The following CAMTA1 variants were observed in gnomAD, a reference collection of about 807,000 sequenced individuals.
CAMTA1 encodes calmodulin-binding transcription activator 1.
CAMTA1 carries 27 observed loss-of-function variants against 170.9 expected under a neutral mutation model. That is an observed-to-expected ratio of 0.16 (90% CI 0.12 to 0.22). The LOEUF is 0.22. Ranked by LOEUF, CAMTA1 falls within the 10% of genes least tolerant of loss-of-function variation. The pLI is 1.00. For synonymous variants in CAMTA1, 833 were observed against 891.5 expected (o/e 0.93, Z 1.17); for missense variants, 1,619 against 2,217.2 (o/e 0.73, Z 5.42).
intron 1 of CAMTA1, among the ~76,000 whole-genome samples, chr1:6,786,629 A>G (rs1308670243): frequency 2.0e-5 from 3 of 151,840 alleles, no homozygotes; most frequent in African/African-American, 7.3e-5. Context: ...GATCATGCAT[A>G]CTCTTACACT....
At chr1:7,500,052 C>A (rs1320700280) in intron 6 of CAMTA1, among the ~76,000 whole-genome samples, 2 of 127,538 alleles carry the variant, frequency 1.6e-5, no homozygotes, top group Non-Finnish European at 3.2e-5. Context: ...GCCTGGTGTG[C>A]GTGTGTACGT....
chr1:7,557,743 A>T (rs1448803100), intron 6 of CAMTA1, among the ~76,000 whole-genome samples: 1 of 152,160 alleles, frequency 6.6e-6, no homozygotes, highest in Non-Finnish European at 1.5e-5. Context: ...CGGGTGAGTT[A>T]GCTGGACACA....
chr1:7,711,375 C>T (rs1169622080), intron 11 of CAMTA1, among the ~76,000 whole-genome samples: 2 of 152,086 alleles, frequency 1.3e-5, no homozygotes, highest in African/African-American at 4.8e-5. Context: ...CCATTGCACT[C>T]CCCAAGGAAG....
chr1:7,350,499 C>T lies in CAMTA1; in HGVS notation c.438+100873C>T, dbSNP rs374804709. Among the ~76,000 whole-genome samples, 7 of 152,310 alleles carry T rather than the reference C, an allele frequency of 4.6e-5. No individual in the cohort carries two copies. The South Asian group carries it at 8.3e-4, about 18-fold the overall frequency. On this transcript the variant is annotated intron_variant, in intron 5 of 22. Coordinates refer to ENST00000303635, the MANE Select transcript of CAMTA1 (RefSeq NM_015215.4). ...TCAAGGTGGAAAAGTGTAGCCTCTC[C>T]GTTTCTGCGATATCACTGCTAGAAG...
At chr1:6,830,090 G>A (rs1294172578) in intron 3 of CAMTA1, among the ~76,000 whole-genome samples, 7 of 150,986 alleles carry the variant, frequency 4.6e-5, no homozygotes, top group African/African-American at 1.7e-4. Context: ...AGGCTGGAGT[G>A]CAGTGGCGCG....
rs1033978660 is a variant in CAMTA1, at chr1:7,747,302, G to T, written c.4618-408G>T. Among the ~76,000 whole-genome samples the T allele has an allele frequency of 2.6e-5, 4 of 152,088 alleles. No individual in the cohort carries two copies. In the East Asian group the frequency reaches 5.8e-4, roughly 22 times the overall value. ...CTGTGTGCATTTTTGGTGGGAAGGGGACCCATGGCTTTCTACAGATTCTCA... is the reference window on the plus strand; with the variant it reads ...CTGTGTGCATTTTTGGTGGGAAGGGTACCCATGGCTTTCTACAGATTCTCA... On this transcript the variant is annotated intron_variant, in intron 18 of 22. Transcript: ENST00000303635.
intron 3 of CAMTA1, among the ~76,000 whole-genome samples, chr1:7,026,691 C>T (rs1466511226): frequency 3.5e-5 from 5 of 141,808 alleles, no homozygotes; most frequent in African/African-American, 5.4e-5. Context: ...AGTGCAGTGG[C>T]GCGATCTCAG....
intron 21 of CAMTA1, among the ~76,000 whole-genome samples, chr1:7,753,015 G>T (rs1233889710): frequency 1.3e-5 from 2 of 152,214 alleles, no homozygotes; most frequent in Non-Finnish European, 2.9e-5. Context: ...TGCTGGTCAT[G>T]TAATCGCCAA....
At position 6,788,199 on chromosome 1, in the gene CAMTA1, C is replaced by T. The variant is rs537583710; in HGVS notation, c.45+2624C>T. Among the ~76,000 whole-genome samples, 40 of 139,390 alleles carry T rather than the reference C, an allele frequency of 2.9e-4. No individual in the cohort carries two copies. In the South Asian group the frequency reaches 0.01, roughly 36 times the overall value. 91.4% of individuals were successfully genotyped at this position (139,390 alleles called of 152,430 possible). ...CCTCCCTCCCTTTCTCCCTCTTTCA[C>T]GAAATTCAGAATGGCTGCTAGCCGC... On this transcript the variant is annotated intron_variant, in intron 1 of 22. Transcript: ENST00000303635.
intron 6 of CAMTA1, among the ~76,000 whole-genome samples, chr1:7,475,024 G>A (rs753724029): frequency 2.1e-4 from 32 of 152,352 alleles, no homozygotes; most frequent in Admixed American, 4.6e-4. Flanking sequence ...CCTGGTGGTG[G>A]GGACCTCTCC....
intron 5 of CAMTA1, among the ~76,000 whole-genome samples, chr1:7,360,502 A>G (rs777739603): frequency 2.0e-5 from 3 of 152,246 alleles, no homozygotes; most frequent in Non-Finnish European, 4.4e-5. Context: ...TCCAAAGCCC[A>G]GTTCCCTGTT....
intron 5 of CAMTA1, among the ~76,000 whole-genome samples, chr1:7,335,139 T>TG (rs1557537211): frequency 2.2e-4 from 12 of 54,840 alleles, no homozygotes; most frequent in South Asian, 9.0e-4. Flanking sequence ...TGTGTGTGTG[T>TG]GGGGGGGGGG....
At chr1:7,135,429 G>T (rs1429127980) in intron 4 of CAMTA1, among the ~76,000 whole-genome samples, 2 of 152,058 alleles carry the variant, frequency 1.3e-5, no homozygotes, top group Non-Finnish European at 2.9e-5. Flanking sequence ...AATAACAGAT[G>T]CTGGTGAGGC....
chr1:7,704,369 G>T (rs1409196855), intron 11 of CAMTA1, among the ~76,000 whole-genome samples: 1 of 146,206 alleles, frequency 6.8e-6, no homozygotes, highest in Non-Finnish European at 1.5e-5. Flanking sequence ...GCTCCGAGCC[G>T]TCCCGGCCTC....
intron 1 of CAMTA1, 89 bp downstream of exon 1, chr1:6,785,664 G>GGCGGGAGC (rs1638951196): frequency 1.5e-6 from 1 of 646,702 alleles, no homozygotes; most frequent in South Asian, 6.5e-5. Flanking sequence ...GGCGGCGCCG[G>GGCGGGAGC]GCGGGAGCGC....
At chr1:7,708,297 C>T (rs1466493872) in intron 11 of CAMTA1, among the ~76,000 whole-genome samples, 1 of 152,012 alleles carries the variant, frequency 6.6e-6, no homozygotes, top group Non-Finnish European at 1.5e-5. Flanking sequence ...TGCCATTGCA[C>T]TCCATCCTGA....
chr1:7,571,741 G>C (rs2095129067), intron 6 of CAMTA1, among the ~76,000 whole-genome samples: 1 of 152,110 alleles, frequency 6.6e-6, no homozygotes, highest in South Asian at 2.1e-4. Flanking sequence ...TCTATAGTTA[G>C]TGGACATTTA....
At chr1:7,219,914 C>A (rs531527700) in intron 4 of CAMTA1, among the ~76,000 whole-genome samples, 1 of 152,302 alleles carries the variant, frequency 6.6e-6, no homozygotes, top group African/African-American at 2.4e-5. Flanking sequence ...AGAGCTCTCT[C>A]CCTGCTTTGT....
chr1:7,398,181 CTCTCTCTCTCTCTATATATATA>C (rs1460695978), intron 5 of CAMTA1, among the ~76,000 whole-genome samples: 4 of 45,574 alleles, frequency 8.8e-5, no homozygotes, highest in African/African-American at 3.3e-4. Flanking sequence ...CTCTCTCTCT[CTCTCTCTCTCTCTATATATATA>C]TATATATATA....
Sources: allele counts gnomAD v4.1 joint callset (sites outside exome capture counted in the v4.1 genomes callset), GRCh38; gene constraint gnomAD v4.1.1; transcripts MANE v1.5; gene names NCBI Gene and HGNC (gene_info 2026-07-23, HGNC 2026-07-21).